KPNA7: variants seen among roughly 807,000 people sequenced by gnomAD.
KPNA7 encodes karyopherin subunit alpha 7.
KPNA7 carries 54 observed loss-of-function variants against 53.7 expected under a neutral mutation model. The ratio of observed to expected loss-of-function variants is 1.01; its 90% CI spans 0.81 to 1.26. The LOEUF (loss-of-function observed/expected upper bound fraction) is 1.26, where lower values mean the gene tolerates loss of function less well. Among genes scored for constraint, KPNA7 ranks in the 50% most tolerant of loss-of-function variants. KPNA7 has a pLI of 0.00. For synonymous variants in KPNA7, 276 were observed against 259.3 expected, an observed-to-expected ratio of 1.06 and a Z score of -0.62; for missense variants, 640 against 644.5, an observed-to-expected ratio of 0.99 and a Z score of 0.07.
chr7:99,188,217 C>T (rs1424695646), intron 7 of KPNA7, 83 bp downstream of exon 7: 3 of 933,840 alleles, frequency 3.2e-6, no homozygotes, highest in African/African-American at 3.5e-5. Context: ...CAGGGAAATG[C>T]AGATGACAAA....
At chr7:99,192,899 G>T in intron 6 of KPNA7, 120 bp downstream of exon 6, 1 of 627,808 alleles carries the variant, frequency 1.6e-6, no homozygotes, top group Non-Finnish European at 2.6e-6. Context: ...GAGGTAGGAG[G>T]ATTGCTTGAA....
chr7:99,156,780 C>T, the KPNA7 span, among the ~76,000 whole-genome samples: 1 of 152,302 alleles, frequency 6.6e-6, no homozygotes, highest in African/African-American at 2.4e-5. Flanking sequence ...CCCCCTTGGC[C>T]TCCCACAGTG....
At chr7:99,194,992 C>T in intron 5 of KPNA7, 78 bp downstream of exon 5, 5 of 1,454,448 alleles carry the variant, frequency 3.4e-6, no homozygotes, top group Admixed American at 2.2e-5. Flanking sequence ...ATCGAGTATA[C>T]CCCACCACCC....
chr7:99,155,214 AT>A, the KPNA7 span, among the ~76,000 whole-genome samples: 3 of 152,056 alleles, frequency 2.0e-5, no homozygotes, highest in East Asian at 3.9e-4. Flanking sequence ...ACTTTTAAAT[AT>A]TTTTTTGAAC....
rs1340679248 is a variant in KPNA7, at chr7:99,177,936, T to C, written c.1448A>G (p.Glu483Gly). ...GTCACTTACCTCACCAAAGTGCTTC[T>C]CGATGATGTTCAAAGCCGACTGGCC... Reference protein sequence around the residue: ...QIGQSALNIIEKHFGEEEDES... With the variant: ...QIGQSALNIIGKHFGEEEDES... Residue 483 changes from glutamate to glycine, a missense_variant, in exon 10 of 11, where the codon GAG becomes GGG. By Grantham distance (98) the Glu-to-Gly change is moderately conservative (BLOSUM62 -2). Transcript: ENST00000327442. The C allele has an allele frequency of 2.6e-6, 4 of 1,551,836 alleles. No individual in the cohort carries two copies. The highest frequency in any genetic ancestry group is 3.5e-6 in the Non-Finnish European group (4 of 1,147,040).
the KPNA7 span, among the ~76,000 whole-genome samples, chr7:99,149,688 CCT>C: frequency 6.6e-6 from 1 of 152,132 alleles, no homozygotes; most frequent in Admixed American, 6.5e-5. Context: ...TGAGCTGGTG[CCT>C]CTGAGGCCAG....
rs762611084 is a variant in KPNA7 at position 99,184,965 on chromosome 7, G to A, written c.1098C>T (p.Tyr366=). The A allele has an allele frequency of 2.9e-5, 45 of 1,552,068 alleles. No homozygotes were observed. The Middle Eastern group carries it at 2.0e-3, about 69-fold the overall frequency. ...PCHHIQQLLA[Y]DVLPPLVALL... is the part of the protein sequence containing the mutation. ...GAGCCACCAAGGGAGGCAAGACGTC[G>A]TAGGCAAGCAGCTGCTGGATGTGGT... The change falls in exon 8 of 11, where the codon TAC becomes TAT. Residue 366 remains tyrosine (Y), a synonymous_variant. Coordinates refer to ENST00000327442, the MANE Select transcript of KPNA7 (RefSeq NM_001145715.3).
intron 8 of KPNA7, among the ~76,000 whole-genome samples, chr7:99,184,154 CTTTT>C (rs34193595): frequency 3.8e-4 from 47 of 125,210 alleles, no homozygotes; most frequent in Non-Finnish European, 6.0e-4. Context: ...TGCCCACAAC[CTTTT>C]TTTTTTTTTT....
At chr7:99,158,566 C>A in the KPNA7 span, among the ~76,000 whole-genome samples, 1 of 152,042 alleles carries the variant, frequency 6.6e-6, no homozygotes, top group Admixed American at 6.6e-5. Context: ...TGCAGTGGCA[C>A]GATCTCGGCT....
At position 99,188,355 on chromosome 7, in the gene KPNA7, G is replaced by GT; in HGVS notation, c.844dup (p.Thr282AsnfsTer35). 2.6e-6 allele frequency: 4 copies of GT among 1,551,536 alleles called. No individual in the cohort carries two copies. The East Asian group carries it at 9.8e-5, about 38-fold the overall frequency. ...CACTACCAGCCTGGGCAGGACCCCCGTGTTAACCACTTGGCCGATGCGCTT... is the reference window on the plus strand; with the variant it reads ...CACTACCAGCCTGGGCAGGACCCCCGTTGTTAACCACTTGGCCGATGCGCTT... On this transcript the variant is annotated frameshift_variant, in exon 7 of 11. Coordinates refer to ENST00000327442, the MANE Select transcript of KPNA7 (RefSeq NM_001145715.3). LOFTEE classifies it high-confidence loss of function.
Position 99,204,056 on chromosome 7 carries a change from A to G in KPNA7, c.67-816T>C, listed in dbSNP as rs187742628. ...CTGTCTATAAGCCATTAAAGCCTTCATCCCCAAGTCTACATACTGAGGGAA... is the reference window on the plus strand; with the variant it reads ...CTGTCTATAAGCCATTAAAGCCTTCGTCCCCAAGTCTACATACTGAGGGAA... On this transcript the variant is annotated intron_variant, in intron 2 of 10. Coordinates refer to ENST00000327442, the MANE Select transcript of KPNA7 (RefSeq NM_001145715.3). 1.2e-3 allele frequency among the ~76,000 whole-genome samples: 190 copies of G among 152,138 alleles called. 3 individuals carry two copies. The highest frequency in any genetic ancestry group is 6.0e-3 in the Admixed American group (91 of 15,256).
chr7:99,201,105 CAT>C (rs1182415415), intron 3 of KPNA7, among the ~76,000 whole-genome samples: 2 of 152,296 alleles, frequency 1.3e-5, no homozygotes, highest in East Asian at 1.9e-4. Context: ...CAAAAGCTCA[CAT>C]GTTTATATGA....
intron 3 of KPNA7, among the ~76,000 whole-genome samples, chr7:99,197,869 G>A (rs747374317): frequency 3.3e-5 from 5 of 152,108 alleles, no homozygotes; most frequent in Non-Finnish European, 7.4e-5. Context: ...ACCAACAAAT[G>A]CAGAATAGGA....
intron 6 of KPNA7, among the ~76,000 whole-genome samples, chr7:99,190,207 T>C (rs1334022172): frequency 2.0e-5 from 3 of 151,680 alleles, no homozygotes; most frequent in Non-Finnish European, 4.4e-5. Flanking sequence ...CGGGGTGGCA[T>C]GTGCCTGTAA....
intron 3 of KPNA7, among the ~76,000 whole-genome samples, chr7:99,201,189 G>T (rs747628000): frequency 6.6e-6 from 1 of 152,098 alleles, no homozygotes; most frequent in African/African-American, 2.4e-5. Context: ...TTGCAGAGAC[G>T]GTGGGGGATG....
intron 3 of KPNA7, among the ~76,000 whole-genome samples, chr7:99,200,821 A>G (rs980754896): frequency 2.0e-5 from 3 of 152,078 alleles, no homozygotes; most frequent in African/African-American, 4.8e-5. Context: ...ACTAAAATAT[A>G]AAATTAGCAG....
At chr7:99,147,193 AAC>A in the KPNA7 span, among the ~76,000 whole-genome samples, 2 of 152,218 alleles carry the variant, frequency 1.3e-5, no homozygotes, top group South Asian at 4.1e-4. Context: ...AACTGGATGA[AAC>A]AGACATGAGC....
At chr7:99,153,920 A>G in the KPNA7 span, among the ~76,000 whole-genome samples, 10 of 152,244 alleles carry the variant, frequency 6.6e-5, no homozygotes, top group South Asian at 2.1e-3. Flanking sequence ...GTGTGATCAT[A>G]TCACACTACT....
the KPNA7 span, among the ~76,000 whole-genome samples, chr7:99,159,150 C>T: frequency 1.3e-5 from 2 of 151,972 alleles, no homozygotes; most frequent in African/African-American, 4.8e-5. Flanking sequence ...CATGCGTGAG[C>T]CACCATGCCC....
Sources: gnomAD v4.1 joint callset for allele counts (sites outside exome capture counted in the v4.1 genomes callset) on GRCh38, gnomAD v4.1.1 for gene constraint, MANE v1.5 for transcripts, NCBI Gene and HGNC (gene_info 2026-07-23, HGNC 2026-07-21) for gene names.